PLCG2: variants seen among roughly 807,000 people sequenced by gnomAD.
PLCG2 encodes the protein phospholipase C gamma 2, also known as 1-phosphatidylinositol 4,5-bisphosphate phosphodiesterase gamma-2.
Under a neutral mutation model 175.6 loss-of-function variants are expected in PLCG2, and 69 were observed. That is an observed-to-expected ratio of 0.39 (90% confidence interval 0.32 to 0.48). The LOEUF is 0.48. Ranked by LOEUF, PLCG2 falls within the 20% of genes least tolerant of loss-of-function variation. PLCG2 has a pLI of 0.91. For synonymous variants in PLCG2, 827 were observed against 624.0 expected (o/e 1.33, Z -4.85); for missense variants, 1,798 against 1,650.9 (o/e 1.09, Z -1.54).
At chr16:81,863,408 C>G (rs867525751) in intron 5 of PLCG2, among the ~76,000 whole-genome samples, 3 of 152,324 alleles carry the variant, frequency 2.0e-5, no homozygotes, top group African/African-American at 7.2e-5. Flanking sequence ...GAATAATATT[C>G]CATTGTACAG....
Position 81,958,191 on chromosome 16 carries a change from C to T in PLCG2, c.*193C>T, listed in dbSNP as rs1263338737. ...TTCCTATTATTTTCATCTTGGACAA[C>T]TTTCTTAACTTATATTCTTTATAGA... On this transcript the variant is annotated 3_prime_UTR_variant, in exon 33 of 33. Coordinates refer to ENST00000564138, the MANE Select transcript of PLCG2 (RefSeq NM_002661.5). 3 of 597,474 alleles carry T rather than the reference C, an allele frequency of 5.0e-6. No individual in the cohort carries two copies. The highest frequency in any genetic ancestry group is 2.1e-5 in the South Asian group (1 of 46,810). 37.0% of individuals were successfully genotyped at this position (597,474 alleles called of 1,614,324 possible).
intron 2 of PLCG2, among the ~76,000 whole-genome samples, chr16:81,806,025 C>G (rs1190400619): frequency 1.3e-5 from 2 of 151,850 alleles, no homozygotes; most frequent in East Asian, 3.9e-4. Context: ...TTTTATTTAA[C>G]TCAGTATATC....
chr16:81,948,932 G>A (rs924608387), intron 31 of PLCG2, among the ~76,000 whole-genome samples: 6 of 152,232 alleles, frequency 3.9e-5, no homozygotes, highest in East Asian at 1.9e-4. Flanking sequence ...CTCAGATGAT[G>A]AGAACTGTAA....
chr16:81,835,870 A>G lies in PLCG2; in HGVS notation c.194-18574A>G, dbSNP rs558504690. Among the ~76,000 whole-genome samples, 112 of 152,024 alleles carry G rather than the reference A, an allele frequency of 7.4e-4. No homozygotes were observed. In the South Asian group the frequency reaches 0.022, roughly 31 times the overall value. ...CCTGGGTGTCCCTTGGCTGGTGGATATTGGCACTCCCATCTCTCCCTCTGA... is the reference window on the plus strand; with the variant it reads ...CCTGGGTGTCCCTTGGCTGGTGGATGTTGGCACTCCCATCTCTCCCTCTGA... On this transcript the variant is annotated intron_variant, in intron 2 of 32. Transcript: ENST00000564138.
chr16:81,933,144 G>A (rs957877542), intron 25 of PLCG2, among the ~76,000 whole-genome samples: 7 of 152,234 alleles, frequency 4.6e-5, no homozygotes, highest in African/African-American at 1.7e-4. Context: ...GCTGTTGGCG[G>A]CCTTTGGTCT....
chr16:81,771,787 T>C (rs1225001647), intron 2 of PLCG2, among the ~76,000 whole-genome samples: 5 of 151,238 alleles, frequency 3.3e-5, no homozygotes, highest in Admixed American at 6.6e-5. Flanking sequence ...TGTTTGCTTG[T>C]TTGTTTGTTT....
rs35154942 is a variant in PLCG2 at position 81,848,511 on chromosome 16, C to A, written c.194-5933C>A. On this transcript the variant is annotated intron_variant, in intron 2 of 32. Coordinates refer to ENST00000564138, the MANE Select transcript of PLCG2 (RefSeq NM_002661.5). ...CCTTTGTACATGTGCGTTTGCATTT[C>A]TCTCCCTCCTTGTCTGGGTAACCTG... is the stretch of plus-strand genomic sequence containing the variant. 4.0e-3 allele frequency among the ~76,000 whole-genome samples: 603 copies of A among 152,246 alleles called. 3 individuals are homozygous for A. Among genetic ancestry groups the A allele is most frequent in the Non-Finnish European group, 6.6e-3 (449 of 68,002 alleles).
At chr16:81,853,142 C>T (rs1375705885) in intron 2 of PLCG2, among the ~76,000 whole-genome samples, 4 of 152,078 alleles carry the variant, frequency 2.6e-5, no homozygotes, top group Non-Finnish European at 5.9e-5. Flanking sequence ...ACCAGCCTGG[C>T]CAACATGATG....
intron 2 of PLCG2, among the ~76,000 whole-genome samples, chr16:81,788,082 C>G (rs1163449638): frequency 2.6e-5 from 4 of 152,154 alleles, no homozygotes; most frequent in Admixed American, 1.3e-4. Flanking sequence ...GGGTATATAC[C>G]TAGGAGTGGA....
At chr16:81,778,044 A>AAAAAAAAAAAAC (rs1910510002), upstream of PLCG2, among the ~76,000 whole-genome samples, 2 of 83,782 alleles carry the variant, frequency 2.4e-5, 1 homozygote, top group Non-Finnish European at 4.7e-5. Context: ...AAAAAAAAAC[A>AAAAAAAAAAAAC]AAAAAAAAAA....
At chr16:81,775,988 T>A (rs1204963638), upstream of PLCG2, among the ~76,000 whole-genome samples, 1 of 151,972 alleles carries the variant, frequency 6.6e-6, no homozygotes, top group Non-Finnish European at 1.5e-5. Flanking sequence ...CACCACCCAC[T>A]GACTTAACCC....
intron 7 of PLCG2, among the ~76,000 whole-genome samples, chr16:81,878,705 C>T (rs765205662): frequency 3.9e-5 from 6 of 152,138 alleles, no homozygotes; most frequent in Non-Finnish European, 5.9e-5. Context: ...AAGTCTGCCC[C>T]GTGGTCTTTA....
At chr16:81,922,457 G>C (rs1910098751) in intron 21 of PLCG2, among the ~76,000 whole-genome samples, 1 of 152,190 alleles carries the variant, frequency 6.6e-6, no homozygotes, top group Non-Finnish European at 1.5e-5. Flanking sequence ...ACTATAGTTA[G>C]CACTTAAGAA....
intron 14 of PLCG2, among the ~76,000 whole-genome samples, chr16:81,902,808 AG>A (rs2143636363): frequency 6.6e-6 from 1 of 152,302 alleles, no homozygotes; most frequent in Admixed American, 6.5e-5. Flanking sequence ...ATGGCTGGGG[AG>A]GCCTCACAAT....
chr16:81,960,123 A>C lies in PLCG2; in HGVS notation c.*2125A>C, dbSNP rs16956102. 9.7e-3 allele frequency: 2,134 copies of C among 219,596 alleles called. 49 individuals are homozygous for C. The highest frequency in any genetic ancestry group is 0.045 in the African/African-American group (2,007 of 44,620). The allele number at this position is 219,596 out of a possible 1,614,324, so 13.6% of individuals were successfully genotyped here. On this transcript the variant is annotated 3_prime_UTR_variant, in exon 33 of 33. Coordinates refer to ENST00000564138, the MANE Select transcript of PLCG2 (RefSeq NM_002661.5). ...AAAACTGTCTCCTTCTCCTGGTGCT[A>C]CAACCGGAATCCACCATGAGAGAGT...
At chr16:81,802,093 C>CTTTTTT (rs1157731599) in intron 2 of PLCG2, among the ~76,000 whole-genome samples, 643 of 40,014 alleles carry the variant, frequency 0.016, 253 homozygotes, top group Non-Finnish European at 0.021. Flanking sequence ...TGAGTACAGT[C>CTTTTTT]TTTTTTTTTT....
At chr16:81,829,084 T>G (rs757703533) in intron 2 of PLCG2, among the ~76,000 whole-genome samples, 3 of 152,134 alleles carry the variant, frequency 2.0e-5, no homozygotes, top group Non-Finnish European at 2.9e-5. Context: ...TTTTCATTCA[T>G]TAATGGGGTA....
At chr16:81,867,683 C>A (rs2082177103) in intron 5 of PLCG2, among the ~76,000 whole-genome samples, 2 of 151,796 alleles carry the variant, frequency 1.3e-5, no homozygotes. Context: ...ACGTGTTCTC[C>A]CTTGCTTCCC....
At chr16:81,924,580 C>G (rs543674565) in intron 22 of PLCG2, among the ~76,000 whole-genome samples, 1 of 152,230 alleles carries the variant, frequency 6.6e-6, no homozygotes, top group Admixed American at 6.5e-5. Flanking sequence ...GACTCCAGAG[C>G]TTACACTCTT....
Sources: gnomAD v4.1 joint callset for allele counts (sites outside exome capture counted in the v4.1 genomes callset) on GRCh38, gnomAD v4.1.1 for gene constraint, MANE v1.5 for transcripts, NCBI Gene and HGNC (gene_info 2026-07-23, HGNC 2026-07-21) for gene names.